The following DMD variants were observed in gnomAD, a reference collection of about 807,000 sequenced individuals.
The protein encoded by DMD is mutant dystrophin.
In DMD, 63 loss-of-function variants were observed where a neutral mutation model predicts 330.1. The observed-to-expected ratio is 0.19, with a 90% confidence interval of 0.16 to 0.24. The LOEUF (loss-of-function observed/expected upper bound fraction) is 0.24, where lower values mean the gene tolerates loss of function less well. Ranked by LOEUF, DMD falls within the 10% of genes least tolerant of loss-of-function variation. The pLI is 1.00. For synonymous variants in DMD, 1,223 were observed against 959.8 expected (o/e 1.27, Z -5.07); for missense variants, 3,344 against 2,684.1 (o/e 1.25, Z -5.43).
rs10652780 is a variant in DMD, at chrX:32,292,302, C to CTTTTTTTTTTT, written c.6118-4612_6118-4602dup. On this transcript the variant is annotated intron_variant, in intron 42 of 78. Coordinates refer to ENST00000357033, the MANE Select transcript of DMD (RefSeq NM_004006.3). ...AACAAATATCAACAAAGGGAATATT[C>CTTTTTTTTTTT]TTTTTTTTTTTTTTTTGAGATGGAG... 5.4e-4 allele frequency among the ~76,000 whole-genome samples: 34 copies of CTTTTTTTTTTT among 62,905 alleles called. 3 individuals are homozygous for CTTTTTTTTTTT. The highest frequency in any genetic ancestry group is 2.0e-3 in the African/African-American group (28 of 14,270). The allele number at this position is 62,905 out of a possible 115,157, so 54.6% of individuals were successfully genotyped here.
intron 55 of DMD, among the ~76,000 whole-genome samples, chrX:31,517,002 C>T (rs952198060): frequency 9.0e-6 from 1 of 111,306 alleles, no homozygotes; most frequent in Admixed American, 9.6e-5. Context: ...TTAAGATTAC[C>T]TTTTAAAACT....
chrX:32,388,650 T>C (rs998438412), intron 32 of DMD, among the ~76,000 whole-genome samples: 5 of 111,013 alleles, frequency 4.5e-5, no homozygotes, highest in Admixed American at 1.9e-4. Flanking sequence ...TTTTCATTGA[T>C]ATTATGGAGT....
intron 1 of DMD, among the ~76,000 whole-genome samples, chrX:33,155,621 T>C (rs1170466705): frequency 9.0e-6 from 1 of 110,878 alleles, no homozygotes; most frequent in Non-Finnish European, 1.9e-5. Flanking sequence ...CAGCCAGCAT[T>C]TCAAATCCAG....
At chrX:32,587,493 ATTG>A (rs1260502825) in intron 13 of DMD, among the ~76,000 whole-genome samples, 2 of 111,864 alleles carry the variant, frequency 1.8e-5, no homozygotes, top group Non-Finnish European at 3.8e-5. Flanking sequence ...TTATATTCAG[ATTG>A]TTTTTTCTTA....
At chrX:32,058,563 T>C (rs766841783) in intron 44 of DMD, among the ~76,000 whole-genome samples, 395 of 96,345 alleles carry the variant, frequency 4.1e-3, no homozygotes, top group Non-Finnish European at 6.9e-3. Flanking sequence ...GGATAACCAT[T>C]ATTAAAAAAA....
intron 2 of DMD, among the ~76,000 whole-genome samples, chrX:32,886,828 C>A (rs191905054): frequency 7.3e-4 from 82 of 111,902 alleles, no homozygotes; most frequent in African/African-American, 2.5e-3. Flanking sequence ...ATTATGTGAA[C>A]ATTTAAAGTG....
chrX:33,258,126 T>C (rs929626377), intron 1 of DMD, among the ~76,000 whole-genome samples: 2 of 111,507 alleles, frequency 1.8e-5, no homozygotes, highest in Non-Finnish European at 3.8e-5. Context: ...GTTTTATGCA[T>C]GACATTTTAA....
At chrX:31,521,173 T>C (rs1464890600) in intron 55 of DMD, among the ~76,000 whole-genome samples, 1 of 109,994 alleles carries the variant, frequency 9.1e-6, no homozygotes, top group Admixed American at 9.7e-5. Flanking sequence ...TTTTTTTTTT[T>C]TTGAGACAGA....
intron 44 of DMD, among the ~76,000 whole-genome samples, chrX:32,183,981 T>A (rs773258326): frequency 9.0e-6 from 1 of 110,690 alleles, no homozygotes; most frequent in East Asian, 2.8e-4. Context: ...GAAAAATGAG[T>A]CAACCCTTGC....
chrX:32,146,529 A>G (rs1339791747), intron 44 of DMD, among the ~76,000 whole-genome samples: 2 of 112,003 alleles, frequency 1.8e-5, no homozygotes, highest in Non-Finnish European at 3.8e-5. Flanking sequence ...TTTAGAAGAT[A>G]TAAAATAGGA....
chrX:31,307,744 C>T (rs768773982), intron 62 of DMD, among the ~76,000 whole-genome samples: 142 of 111,990 alleles, frequency 1.3e-3, no homozygotes, highest in African/African-American at 4.5e-3. Flanking sequence ...TTGAGTATAA[C>T]TGAATTCTAA....
chrX:32,881,453 T>TA (rs1326884276), intron 2 of DMD, among the ~76,000 whole-genome samples: 4 of 112,015 alleles, frequency 3.6e-5, no homozygotes, highest in African/African-American at 9.7e-5. Flanking sequence ...CTTGGAAAAG[T>TA]AAAAAATATC....
intron 51 of DMD, among the ~76,000 whole-genome samples, chrX:31,763,140 A>G (rs2089736810): frequency 8.9e-6 from 1 of 112,990 alleles, no homozygotes; most frequent in Non-Finnish European, 1.9e-5. Context: ...CCAGAAAATA[A>G]CAATCTAAAA....
rs376914258 is a variant in DMD at position 32,454,646 on chromosome X, C to T, written c.3603+16G>A. 9.0e-6 allele frequency: 9 copies of T among 994,835 alleles called. No individual in the cohort carries two copies. The highest frequency in any genetic ancestry group is 2.2e-5 in the South Asian group (1 of 45,426). The allele number at this position is 994,835 out of a possible 1,213,427, so 82.0% of individuals were successfully genotyped here. On this transcript the variant is annotated intron_variant, in intron 26 of 78. Coordinates refer to ENST00000357033, the MANE Select transcript of DMD (RefSeq NM_004006.3). ...ATTTCCTTTGTTTTACTTAGTTTTT[C>T]TTTTTTTTTTTTTACCTTCATCTCT...
chrX:32,121,947 G>A (rs1165367458), intron 44 of DMD, among the ~76,000 whole-genome samples: 4 of 109,547 alleles, frequency 3.7e-5, no homozygotes, highest in Non-Finnish European at 7.6e-5. Context: ...TGAATATGAG[G>A]GGGTAAGAGA....
intron 61 of DMD, among the ~76,000 whole-genome samples, chrX:31,341,602 G>A (rs1029453352): frequency 2.7e-5 from 3 of 111,111 alleles, no homozygotes; most frequent in Non-Finnish European, 5.7e-5. Flanking sequence ...GAGAATAATC[G>A]TTGGCAATAG....
chrX:32,361,510 T>C (rs2147216172), intron 37 of DMD, among the ~76,000 whole-genome samples: 1 of 111,935 alleles, frequency 8.9e-6, no homozygotes, highest in East Asian at 2.8e-4. Flanking sequence ...TAACTTGCAA[T>C]GAATTAAGGT....
chrX:32,314,180 T>C (rs1030833363), intron 41 of DMD, among the ~76,000 whole-genome samples: 38 of 111,536 alleles, frequency 3.4e-4, no homozygotes, highest in African/African-American at 9.1e-4. Context: ...AAACAGATTA[T>C]ACTGATAGCA....
rs748282044 is a variant in DMD, at chrX:32,806,192, T to G, written c.649+3301A>C. On this transcript the variant is annotated intron_variant, in intron 7 of 78. Transcript: ENST00000357033. Reference sequence around the variant, plus strand: ...GTGTGCTGTAGTCAGGAGAGCAATCTCACGTGCAAAGACACACATAGGCTC... The same window carrying G: ...GTGTGCTGTAGTCAGGAGAGCAATCGCACGTGCAAAGACACACATAGGCTC... Among the ~76,000 whole-genome samples, 5 of 111,717 alleles carry G rather than the reference T, an allele frequency of 4.5e-5. No homozygotes were observed. In the South Asian group the frequency reaches 1.5e-3, roughly 33 times the overall value.
Sources: gnomAD v4.1 joint callset for allele counts (sites outside exome capture counted in the v4.1 genomes callset) on GRCh38, gnomAD v4.1.1 for gene constraint, MANE v1.5 for transcripts, NCBI Gene and HGNC (gene_info 2026-07-23, HGNC 2026-07-21) for gene names.